Variants in RNFT2 observed in about 807,000 individuals in gnomAD.
The protein encoded by RNFT2 is E3 ubiquitin-protein ligase RNFT2.
In RNFT2, 36 loss-of-function variants were observed where a neutral mutation model predicts 53.0. That is an observed-to-expected ratio of 0.68 (90% confidence interval 0.52 to 0.90). The LOEUF is 0.90. Among genes scored for constraint, RNFT2 ranks in the 40% least tolerant of loss-of-function variants. The pLI is 0.00. For synonymous variants in RNFT2, 260 were observed against 253.2 expected, an observed-to-expected ratio of 1.03 and a Z score of -0.26; for missense variants, 514 against 585.6, an observed-to-expected ratio of 0.88 and a Z score of 1.26.
In RNFT2 at chr12:116,743,213, T is replaced by TAAAAAAAAAAAAAAAAAAAAAAAAAAAA. The variant is rs762013507; in HGVS notation, c.83+2123_83+2150dup. ...TGATTAATAGATACCAGGTAGAATC[T>TAAAAAAAAAAAAAAAAAAAAAAAAAAAA]AAAAAAAAAAAAAAAAAAAAAAAAA... On this transcript the variant is annotated intron_variant, in intron 3 of 10. Transcript: ENST00000257575. Among the ~76,000 whole-genome samples the TAAAAAAAAAAAAAAAAAAAAAAAAAAAA allele has an allele frequency of 2.6e-3, 28 of 10,682 alleles. 7 individuals carry two copies. Among genetic ancestry groups the TAAAAAAAAAAAAAAAAAAAAAAAAAAAA allele is most frequent in the Non-Finnish European group, 3.8e-3 (22 of 5,812 alleles). The allele number at this position is 10,682 out of a possible 152,430, so 7.0% of individuals were successfully genotyped here.
chr12:116,774,934 A>AAG (rs113761307), intron 6 of RNFT2, among the ~76,000 whole-genome samples: 3,929 of 147,886 alleles, frequency 0.027, 65 homozygotes, highest in Middle Eastern at 0.039. Flanking sequence ...GGTGCACAGA[A>AAG]AGAGAGAGAG....
At chr12:116,784,816 G>A (rs373844649) in intron 7 of RNFT2, among the ~76,000 whole-genome samples, 7 of 152,200 alleles carry the variant, frequency 4.6e-5, no homozygotes, top group African/African-American at 1.2e-4. Context: ...TCGCCACCAT[G>A]AGACCAAAGT....
Position 116,838,023 on chromosome 12 carries a change from A to T in RNFT2, c.1200+1741A>T, listed in dbSNP as rs184691080. On this transcript the variant is annotated intron_variant, in intron 10 of 10. Coordinates refer to ENST00000257575, the MANE Select transcript of RNFT2 (RefSeq NM_001382266.1). ...TATACACACACAAACATATTTTTTT[A>T]AAAAAAAACATAAGTTATAGTACAT... Among the ~76,000 whole-genome samples, 407 of 131,706 alleles carry T rather than the reference A, an allele frequency of 3.1e-3. 4 individuals are homozygous for T. Among genetic ancestry groups the T allele is most frequent in the South Asian group, 2.9e-3 (11 of 3,816 alleles). The allele number at this position is 131,706 out of a possible 152,430, so 86.4% of individuals were successfully genotyped here.
intron 3 of RNFT2, among the ~76,000 whole-genome samples, chr12:116,746,372 A>G (rs1019532986): frequency 1.3e-5 from 2 of 152,136 alleles, no homozygotes; most frequent in Admixed American, 1.3e-4. Context: ...AGTGATTATA[A>G]TATATGGCCA....
chr12:116,816,911 G>C (rs1293085737), intron 7 of RNFT2, among the ~76,000 whole-genome samples: 1 of 152,040 alleles, frequency 6.6e-6, no homozygotes, highest in Non-Finnish European at 1.5e-5. Context: ...TATATCTCCT[G>C]GGTTCCATCC....
intron 7 of RNFT2, among the ~76,000 whole-genome samples, chr12:116,795,791 A>G (rs1309763110): frequency 6.6e-6 from 1 of 152,252 alleles, no homozygotes; most frequent in East Asian, 1.9e-4. Flanking sequence ...CAGAGTAGAA[A>G]GAACACAGCT....
intron 7 of RNFT2, among the ~76,000 whole-genome samples, chr12:116,820,052 T>C (rs537941882): frequency 1.1e-3 from 169 of 152,370 alleles, no homozygotes; most frequent in African/African-American, 3.9e-3. Context: ...TCTAAGACTT[T>C]GAAATTCCTT....
chr12:116,762,892 G>A (rs949380101), intron 5 of RNFT2, among the ~76,000 whole-genome samples: 3 of 152,100 alleles, frequency 2.0e-5, no homozygotes, highest in East Asian at 1.9e-4. Context: ...GATTACAGGC[G>A]TGAGCCACCA....
chr12:116,774,882 C>T (rs1272228381), intron 6 of RNFT2, among the ~76,000 whole-genome samples: 1 of 151,976 alleles, frequency 6.6e-6, no homozygotes, highest in Non-Finnish European at 1.5e-5. Context: ...TATTCCCAGT[C>T]TCAGACCTCT....
chr12:116,798,720 C>A (rs1401031339), intron 7 of RNFT2, among the ~76,000 whole-genome samples: 1 of 152,134 alleles, frequency 6.6e-6, no homozygotes, highest in East Asian at 1.9e-4. Flanking sequence ...ATGTGTGCCA[C>A]CATGCCCAGC....
At chr12:116,753,081 T>A (rs570243821) in intron 4 of RNFT2, among the ~76,000 whole-genome samples, 43 of 152,256 alleles carry the variant, frequency 2.8e-4, no homozygotes, top group Admixed American at 5.2e-4. Flanking sequence ...GATTTTTTTT[T>A]CTCATTGAAC....
At chr12:116,812,493 G>C (rs1875430251) in intron 7 of RNFT2, among the ~76,000 whole-genome samples, 1 of 151,684 alleles carries the variant, frequency 6.6e-6, no homozygotes, top group Admixed American at 6.6e-5. Context: ...GTGGCGGGGA[G>C]ATCTCTGCAG....
At chr12:116,811,687 G>A (rs116645516) in intron 7 of RNFT2, among the ~76,000 whole-genome samples, 3,066 of 152,284 alleles carry the variant, frequency 0.02, 105 homozygotes, top group African/African-American at 0.069. Flanking sequence ...GCGTGCGCGT[G>A]CGTTTGTGCA....
At chr12:116,765,787 A>G (rs539847581) in intron 5 of RNFT2, among the ~76,000 whole-genome samples, 2 of 152,312 alleles carry the variant, frequency 1.3e-5, no homozygotes, top group South Asian at 2.1e-4. Context: ...AATTAGGTAT[A>G]TAAGCTTGGA....
At chr12:116,787,707 T>C (rs1873999458) in intron 7 of RNFT2, among the ~76,000 whole-genome samples, 1 of 116,178 alleles carries the variant, frequency 8.6e-6, no homozygotes, top group African/African-American at 3.3e-5. Context: ...AGGGACATGT[T>C]GTCTCTAAAA....
At chr12:116,755,923 T>G (rs1452378241) in intron 5 of RNFT2, 5 of 1,124,094 alleles carry the variant, frequency 4.4e-6, no homozygotes, top group Non-Finnish European at 6.6e-6. Context: ...GGAAAAGATA[T>G]GTCCTTATTT....
At chr12:116,773,575 G>A (rs1211380908) in intron 6 of RNFT2, among the ~76,000 whole-genome samples, 1 of 152,196 alleles carries the variant, frequency 6.6e-6, no homozygotes, top group East Asian at 1.9e-4. Context: ...CAGAGGGGCT[G>A]GGTCGCAGAG....
intron 6 of RNFT2, among the ~76,000 whole-genome samples, chr12:116,777,497 T>C (rs1183602403): frequency 6.6e-6 from 1 of 152,152 alleles, no homozygotes; most frequent in Non-Finnish European, 1.5e-5. Flanking sequence ...TGGTCATGGA[T>C]AGGTTTACAC....
At chr12:116,826,376 C>A (rs1229345902) in intron 7 of RNFT2, among the ~76,000 whole-genome samples, 3 of 152,172 alleles carry the variant, frequency 2.0e-5, no homozygotes, top group African/African-American at 7.2e-5. Flanking sequence ...CTACCGTTTC[C>A]CCTTCACGGT....
Sources: gnomAD v4.1 joint callset for allele counts (sites outside exome capture counted in the v4.1 genomes callset) on GRCh38, gnomAD v4.1.1 for gene constraint, MANE v1.5 for transcripts, NCBI Gene and HGNC (gene_info 2026-07-23, HGNC 2026-07-21) for gene names.